Variants in SERGEF observed in about 807,000 individuals in gnomAD.
SERGEF encodes the protein secretion regulating guanine nucleotide exchange factor, also known as secretion-regulating guanine nucleotide exchange factor.
A neutral mutation model predicts 50.0 loss-of-function variants in SERGEF; 51 were observed. That is an observed-to-expected ratio of 1.02 (90% confidence interval 0.81 to 1.29). SERGEF has a LOEUF of 1.29. SERGEF is among the 50% of genes most tolerant of loss of function. SERGEF has a pLI of 0.00. For synonymous variants in SERGEF, 205 were observed against 212.4 expected, an observed-to-expected ratio of 0.97 and a Z score of 0.30; for missense variants, 521 against 557.0, an observed-to-expected ratio of 0.94 and a Z score of 0.65.
chr11:17,979,489 G>A (rs1004616748), intron 8 of SERGEF, among the ~76,000 whole-genome samples: 1 of 152,192 alleles, frequency 6.6e-6, no homozygotes, highest in Non-Finnish European at 1.5e-5. Flanking sequence ...GACACCTGGG[G>A]TAGCATTGTG....
chr11:17,861,666 G>T (rs1850928905), intron 10 of SERGEF, among the ~76,000 whole-genome samples: 1 of 152,244 alleles, frequency 6.6e-6, no homozygotes, highest in South Asian at 2.1e-4. Flanking sequence ...CTACACTGTG[G>T]AGCTTCCTAA....
intron 10 of SERGEF, among the ~76,000 whole-genome samples, chr11:17,788,667 C>T (rs1849429522): frequency 6.6e-6 from 1 of 152,196 alleles, no homozygotes; most frequent in African/African-American, 2.4e-5. Context: ...TGGCTTTCCT[C>T]CTCGGCCCTT....
At chr11:18,000,236 C>A (rs1365502719) in intron 5 of SERGEF, among the ~76,000 whole-genome samples, 1 of 152,102 alleles carries the variant, frequency 6.6e-6, no homozygotes, top group Non-Finnish European at 1.5e-5. Flanking sequence ...TTGCTTGAGG[C>A]CAGAAATTCA....
chr11:17,853,181 T>C (rs752288526), intron 10 of SERGEF, among the ~76,000 whole-genome samples: 1 of 151,954 alleles, frequency 6.6e-6, no homozygotes, highest in Non-Finnish European at 1.5e-5. Context: ...CATATGGTGG[T>C]TGTGATGACT....
chr11:18,008,224 T>A lies in SERGEF; in HGVS notation c.61-148A>T, dbSNP rs1346062744. 32 of 691,300 alleles carry A rather than the reference T, an allele frequency of 4.6e-5. No homozygotes were observed. In the Middle Eastern group the frequency reaches 1.2e-3, roughly 27 times the overall value. 42.8% of individuals were successfully genotyped at this position (691,300 alleles called of 1,614,324 possible). On this transcript the variant is annotated intron_variant, in intron 1 of 10. Transcript: ENST00000265965. ...AGGCTCATTCTTTTTTAAAAAAAAA[T>A]TTTTAGCTCCTTCACGGCAAATACT...
chr11:17,859,358 A>C (rs911808403), intron 10 of SERGEF, among the ~76,000 whole-genome samples: 2 of 152,148 alleles, frequency 1.3e-5, no homozygotes, highest in Admixed American at 1.3e-4. Context: ...TTCCATTAGA[A>C]AAGTTGGAAG....
At chr11:17,909,971 C>T (rs1851918158) in intron 9 of SERGEF, among the ~76,000 whole-genome samples, 1 of 152,164 alleles carries the variant, frequency 6.6e-6, no homozygotes, top group African/African-American at 2.4e-5. Context: ...CATTTCTTCT[C>T]TCTTTGTCTA....
At chr11:17,812,682 C>G (rs1293290316) in intron 10 of SERGEF, among the ~76,000 whole-genome samples, 1 of 152,214 alleles carries the variant, frequency 6.6e-6, no homozygotes, top group Admixed American at 6.5e-5. Context: ...GTACCTTTGA[C>G]TGTAAACCCA....
chr11:17,962,982 G>C (rs866012018), intron 8 of SERGEF, among the ~76,000 whole-genome samples: 7 of 151,972 alleles, frequency 4.6e-5, no homozygotes, highest in South Asian at 2.1e-4. Flanking sequence ...AAGAGTTTGA[G>C]ACCAGCCTGA....
intron 10 of SERGEF, among the ~76,000 whole-genome samples, chr11:17,837,818 C>T (rs1426278811): frequency 6.6e-6 from 1 of 151,826 alleles, no homozygotes; most frequent in Non-Finnish European, 1.5e-5. Flanking sequence ...GTGCTGCCAC[C>T]ACGCCCGGCT....
intron 10 of SERGEF, among the ~76,000 whole-genome samples, chr11:17,848,245 A>G (rs1850650158): frequency 6.6e-6 from 1 of 152,162 alleles, no homozygotes; most frequent in Admixed American, 6.5e-5. Context: ...AGAAAGAAGG[A>G]TGAAGGAGCA....
At chr11:17,900,012 G>C (rs904017141) in intron 9 of SERGEF, among the ~76,000 whole-genome samples, 1 of 151,938 alleles carries the variant, frequency 6.6e-6, no homozygotes, top group Non-Finnish European at 1.5e-5. Context: ...CAGGCAATGT[G>C]CTGGCACTAG....
rs1851472540 is a variant in SERGEF at position 17,888,569 on chromosome 11, A to T, written c.1012-10325T>A. 6.6e-6 allele frequency among the ~76,000 whole-genome samples: 1 copy of T among 152,054 alleles called. No homozygotes were observed. ...CACAAATATAGAATGAGAGAAGGCA[A>T]AGAGAAACCCTGTGGATATCAGGTT... On this transcript the variant is annotated intron_variant, in intron 9 of 10. Coordinates refer to ENST00000265965, the MANE Select transcript of SERGEF (RefSeq NM_012139.4). This position sits in a 1 kb window ranked among gnomAD's most constrained non-coding sequence, Gnocchi z 4.1.
At chr11:17,891,946 T>C (rs971899375) in intron 9 of SERGEF, among the ~76,000 whole-genome samples, 3 of 152,204 alleles carry the variant, frequency 2.0e-5, no homozygotes, top group Admixed American at 2.0e-4. Flanking sequence ...TAGGATCTTT[T>C]TTCCAAGTGG....
chr11:17,993,058 C>A, intron 6 of SERGEF, 65 bp from the exon 7 acceptor site: 1 of 1,385,958 alleles, frequency 7.2e-7, no homozygotes, highest in Non-Finnish European at 1.0e-6. Flanking sequence ...AGAGAGGGGG[C>A]ACTCAGCCAG....
intron 10 of SERGEF, among the ~76,000 whole-genome samples, chr11:17,838,242 C>T (rs972917625): frequency 3.9e-5 from 6 of 152,346 alleles, no homozygotes; most frequent in Admixed American, 6.5e-5. Context: ...CGGTCCAGAA[C>T]ACAGCCCTGG....
At chr11:17,813,687 T>C (rs1849913144) in intron 10 of SERGEF, among the ~76,000 whole-genome samples, 2 of 152,206 alleles carry the variant, frequency 1.3e-5, no homozygotes, top group South Asian at 4.1e-4. Context: ...GTCATCCTGG[T>C]AGCTGAAATA....
At chr11:17,889,208 G>A (rs79942176) in intron 9 of SERGEF, among the ~76,000 whole-genome samples, 3,221 of 152,282 alleles carry the variant, frequency 0.021, 168 homozygotes, top group East Asian at 0.2. Context: ...GAGGAAAAGG[G>A]TATTCACATA....
chr11:18,006,646 A>G lies in SERGEF; in HGVS notation c.297T>C (p.Phe99=), dbSNP rs770605385. Residue 99 remains phenylalanine, a synonymous_variant, in exon 3 of 11, where the codon TTT becomes TTC. Coordinates refer to ENST00000265965, the MANE Select transcript of SERGEF (RefSeq NM_012139.4). The part of the protein sequence containing the change: ...IPYFTPCKSL[F]GCPIQQVACG... ...AGGCCACCTGTTGGATGGGACAGCCAAAGAGGGATTTGCAGGGGGTAAAAT... is the reference window on the plus strand; with the variant it reads ...AGGCCACCTGTTGGATGGGACAGCCGAAGAGGGATTTGCAGGGGGTAAAAT... 1.9e-6 allele frequency: 3 copies of G among 1,614,066 alleles called. No homozygotes were observed. Among genetic ancestry groups the G allele is most frequent in the African/African-American group, 1.3e-5 (1 of 74,930 alleles).
Sources: gnomAD v4.1 joint callset for allele counts (sites outside exome capture counted in the v4.1 genomes callset) on GRCh38, gnomAD v4.1.1 for gene constraint, Gnocchi (gnomAD v3.1) non-coding constraint, MANE v1.5 for transcripts, NCBI Gene and HGNC (gene_info 2026-07-23, HGNC 2026-07-21) for gene names.